Variants in DPP10 observed in about 807,000 individuals in gnomAD.
The protein encoded by DPP10 is inactive dipeptidyl peptidase 10.
DPP10 carries 33 observed loss-of-function variants against 120.9 expected under a neutral mutation model. The observed-to-expected ratio is 0.27, with a 90% confidence interval of 0.21 to 0.37. DPP10 has a LOEUF of 0.37. DPP10 is among the 10% of genes least tolerant of loss of function. DPP10 has a pLI of 1.00. For missense variants in DPP10, 816 were observed against 942.8 expected, an observed-to-expected ratio of 0.87 and a Z score of 1.76; for synonymous variants, 337 against 326.1, an observed-to-expected ratio of 1.03 and a Z score of -0.36.
At chr2:114,883,961 C>T (rs891017219) in intron 1 of DPP10, among the ~76,000 whole-genome samples, 1 of 152,182 alleles carries the variant, frequency 6.6e-6, no homozygotes, top group Admixed American at 6.5e-5. Context: ...AGAATGGTTG[C>T]TAATGGGAGA....
chr2:115,626,953 CAACAAG>C (rs1459601365), intron 5 of DPP10, among the ~76,000 whole-genome samples: 11 of 151,978 alleles, frequency 7.2e-5, no homozygotes, highest in Non-Finnish European at 1.0e-4. Flanking sequence ...TTCAGGTCTG[CAACAAG>C]AAAGAACAAA....
intron 1 of DPP10, among the ~76,000 whole-genome samples, chr2:114,659,452 T>C (rs1022951332): frequency 6.6e-6 from 1 of 152,146 alleles, no homozygotes; most frequent in African/African-American, 2.4e-5. Flanking sequence ...AGACAGAGCA[T>C]TATTTCTGAC....
In DPP10 at chr2:114,824,235, G is replaced by A. The variant is rs115847408; in HGVS notation, c.60+381397G>A. On this transcript the variant is annotated intron_variant, in intron 1 of 25. Coordinates refer to ENST00000410059, the MANE Select transcript of DPP10 (RefSeq NM_020868.6). The stretch of plus-strand genomic sequence containing the variant: ...AATACTGTGAAATGAAAGAAATATC[G>A]TCATTTCTCATTTTGGTGTAGAGAT... 6.8e-3 allele frequency among the ~76,000 whole-genome samples: 1,040 copies of A among 152,198 alleles called. 10 individuals carry two copies. The highest frequency in any genetic ancestry group is 0.024 in the African/African-American group (982 of 41,528).
At chr2:114,959,023 GTTGT>G (rs768330332) in intron 1 of DPP10, among the ~76,000 whole-genome samples, 4 of 151,994 alleles carry the variant, frequency 2.6e-5, no homozygotes, top group East Asian at 1.9e-4. Flanking sequence ...GTTTTGATTG[GTTGT>G]TTGTTTGTTT....
intron 1 of DPP10, among the ~76,000 whole-genome samples, chr2:114,609,584 GTTTT>G (rs1693114664): frequency 6.6e-6 from 1 of 152,042 alleles, no homozygotes; most frequent in African/African-American, 2.4e-5. Flanking sequence ...TGTTTTCTTT[GTTTT>G]ACAAGTGAGG....
At chr2:115,538,635 G>A (rs1013040824) in intron 5 of DPP10, among the ~76,000 whole-genome samples, 2 of 151,938 alleles carry the variant, frequency 1.3e-5, no homozygotes, top group Admixed American at 6.6e-5. Flanking sequence ...AAAATGTAGC[G>A]TGAAGGATAG....
chr2:115,512,710 T>A (rs1024249418), intron 4 of DPP10, among the ~76,000 whole-genome samples: 5 of 152,132 alleles, frequency 3.3e-5, no homozygotes, highest in African/African-American at 1.2e-4. Context: ...CCAAATTGCC[T>A]TCCATTATTG....
intron 7 of DPP10, among the ~76,000 whole-genome samples, chr2:115,705,898 A>G (rs1036059350): frequency 6.6e-6 from 1 of 151,864 alleles, no homozygotes; most frequent in African/African-American, 2.4e-5. Context: ...CAGGAAAATC[A>G]ATACCAAGCA....
At chr2:115,481,892 A>G (rs2075453696) in intron 3 of DPP10, among the ~76,000 whole-genome samples, 2 of 152,072 alleles carry the variant, frequency 1.3e-5, no homozygotes, top group South Asian at 2.1e-4. Flanking sequence ...AGAGCCCTAT[A>G]TTAGTAGAGG....
At chr2:115,531,937 T>C (rs1226517632) in intron 5 of DPP10, among the ~76,000 whole-genome samples, 3 of 152,132 alleles carry the variant, frequency 2.0e-5, no homozygotes, top group Non-Finnish European at 4.4e-5. Flanking sequence ...ATAAAATATA[T>C]CCGTAGTTTT....
intron 1 of DPP10, among the ~76,000 whole-genome samples, chr2:115,117,690 C>T (rs543916604): frequency 1.2e-4 from 19 of 152,272 alleles, no homozygotes; most frequent in South Asian, 1.0e-3. Context: ...TTTCTGAAAA[C>T]GCTTTGTAAG....
At chr2:114,667,912 G>A (rs1698050734) in intron 1 of DPP10, among the ~76,000 whole-genome samples, 1 of 152,098 alleles carries the variant, frequency 6.6e-6, no homozygotes, top group Non-Finnish European at 1.5e-5. Flanking sequence ...ATCAAATGAA[G>A]TTTTGAGTTT....
intron 1 of DPP10, among the ~76,000 whole-genome samples, chr2:115,092,906 C>T (rs1019544484): frequency 6.6e-6 from 1 of 152,104 alleles, no homozygotes; most frequent in South Asian, 2.1e-4. Context: ...TTTAGGCAGT[C>T]TAGAGTGAGC....
chr2:115,662,722 C>T (rs1440021584), intron 5 of DPP10, among the ~76,000 whole-genome samples: 3 of 152,070 alleles, frequency 2.0e-5, no homozygotes, highest in Non-Finnish European at 4.4e-5. Flanking sequence ...TTTTTTAATA[C>T]ACTCCCTTTA....
chr2:115,523,831 A>G (rs1158212078), intron 4 of DPP10, among the ~76,000 whole-genome samples: 3 of 152,156 alleles, frequency 2.0e-5, no homozygotes, highest in African/African-American at 4.8e-5. Flanking sequence ...CTTGCAGACC[A>G]CATGGTAGAT....
At chr2:114,482,349 T>G (rs796390843) in intron 1 of DPP10, among the ~76,000 whole-genome samples, 10 of 152,326 alleles carry the variant, frequency 6.6e-5, no homozygotes, top group African/African-American at 2.4e-4. Context: ...GCCTATTTAT[T>G]AAAACATCAT....
At chr2:114,564,338 C>T (rs570340278) in intron 1 of DPP10, among the ~76,000 whole-genome samples, 9 of 152,034 alleles carry the variant, frequency 5.9e-5, no homozygotes, top group East Asian at 1.9e-4. Context: ...CAAGCAGAAA[C>T]GTAAATATAT....
chr2:115,780,289 A>G (rs1252838657), intron 15 of DPP10, among the ~76,000 whole-genome samples: 1 of 151,928 alleles, frequency 6.6e-6, no homozygotes, highest in Non-Finnish European at 1.5e-5. Flanking sequence ...ATTATGTCAA[A>G]GTGTGTATTG....
At position 114,754,380 on chromosome 2, in the gene DPP10, G is replaced by A. The variant is rs17729194; in HGVS notation, c.60+311542G>A. ...ATATCATTGCCCATTCAGTTCGCAG[G>A]CATTGAGAGCATAACTAGTAGCAAT... On this transcript the variant is annotated intron_variant, in intron 1 of 25. Transcript: ENST00000410059. Among the ~76,000 whole-genome samples the A allele has an allele frequency of 7.3e-3, 1,113 of 152,248 alleles. 9 individuals are homozygous for A. The highest frequency in any genetic ancestry group is 0.011 in the Non-Finnish European group (745 of 68,012).
Sources: allele counts gnomAD v4.1 joint callset (sites outside exome capture counted in the v4.1 genomes callset), GRCh38; gene constraint gnomAD v4.1.1; transcripts MANE v1.5; gene names NCBI Gene and HGNC (gene_info 2026-07-23, HGNC 2026-07-21).